CSMD2: variants seen among roughly 807,000 people sequenced by gnomAD.
CSMD2 encodes the protein CUB and Sushi multiple domains 2.
CSMD2 carries 130 observed loss-of-function variants against 398.5 expected under a neutral mutation model. The ratio of observed to expected loss-of-function variants is 0.33; its 90% CI spans 0.28 to 0.38. The LOEUF is 0.38. Among genes scored for constraint, CSMD2 ranks in the 10% least tolerant of loss-of-function variants. CSMD2 has a pLI of 1.00. For missense variants in CSMD2, 3,829 were observed against 4,764.9 expected, an observed-to-expected ratio of 0.80 and a Z score of 5.78; for synonymous variants, 1,828 against 1,908.5, an observed-to-expected ratio of 0.96 and a Z score of 1.10.
chr1:34,031,080 T>C (rs1650351007), intron 3 of CSMD2, among the ~76,000 whole-genome samples: 3 of 151,850 alleles, frequency 2.0e-5, no homozygotes, highest in Non-Finnish European at 4.4e-5. Context: ...GGCTTGATAT[T>C]GGTAGGAACT....
At chr1:34,036,881 A>G (rs1651195682) in intron 2 of CSMD2, among the ~76,000 whole-genome samples, 1 of 152,216 alleles carries the variant, frequency 6.6e-6, no homozygotes, top group Non-Finnish European at 1.5e-5. Flanking sequence ...CTAGCATAAG[A>G]ATATGTCAAT....
chr1:33,973,539 C>A (rs187311347), intron 3 of CSMD2, among the ~76,000 whole-genome samples: 1 of 152,288 alleles, frequency 6.6e-6, no homozygotes, highest in Admixed American at 6.5e-5. Flanking sequence ...GGTCAGGGTA[C>A]AAGGTAGCTG....
intron 1 of CSMD2, among the ~76,000 whole-genome samples, chr1:34,140,928 C>T (rs1246570070): frequency 6.6e-6 from 1 of 152,094 alleles, no homozygotes; most frequent in Non-Finnish European, 1.5e-5. Context: ...TCCTCTACAA[C>T]CTGTCCCCCT....
At chr1:33,955,461 A>C (rs1457324062) in intron 3 of CSMD2, among the ~76,000 whole-genome samples, 1 of 152,054 alleles carries the variant, frequency 6.6e-6, no homozygotes, top group Non-Finnish European at 1.5e-5. Context: ...GTGCTGTTAT[A>C]CCTTCTTAAT....
chr1:34,061,103 A>G (rs1034919379), intron 2 of CSMD2, among the ~76,000 whole-genome samples: 1 of 152,132 alleles, frequency 6.6e-6, no homozygotes, highest in Non-Finnish European at 1.5e-5. Context: ...GACATTGGCC[A>G]ATGTCTGAGA....
intron 3 of CSMD2, among the ~76,000 whole-genome samples, chr1:33,968,429 A>T (rs536456905): frequency 6.6e-6 from 1 of 152,344 alleles, no homozygotes; most frequent in Non-Finnish European, 1.5e-5. Flanking sequence ...CACCAACAGA[A>T]CATGAAAAAG....
At chr1:33,720,034 G>A (rs1355084946) in intron 19 of CSMD2, among the ~76,000 whole-genome samples, 2 of 152,230 alleles carry the variant, frequency 1.3e-5, no homozygotes, top group African/African-American at 4.8e-5. Flanking sequence ...AAATTTCACA[G>A]AGTTTTGAGT....
chr1:33,861,549 T>TAG (rs1391089516), intron 5 of CSMD2, among the ~76,000 whole-genome samples: 3 of 152,220 alleles, frequency 2.0e-5, no homozygotes, highest in African/African-American at 7.2e-5. Flanking sequence ...ATGCTTGCTC[T>TAG]AGGCTGTGTG....
intron 2 of CSMD2, among the ~76,000 whole-genome samples, chr1:34,070,566 G>T (rs978654609): frequency 6.6e-6 from 1 of 152,182 alleles, no homozygotes; most frequent in Non-Finnish European, 1.5e-5. Context: ...AACATAATGC[G>T]CCTGAGAAGC....
intron 15 of CSMD2, among the ~76,000 whole-genome samples, chr1:33,732,089 CAG>C (rs1447086414): frequency 6.6e-6 from 1 of 151,982 alleles, no homozygotes; most frequent in Non-Finnish European, 1.5e-5. Context: ...AAGGCAAAAA[CAG>C]GGAAGCACAC....
chr1:33,770,477 C>T (rs2149324783), intron 13 of CSMD2, among the ~76,000 whole-genome samples: 1 of 152,374 alleles, frequency 6.6e-6, no homozygotes, highest in South Asian at 2.1e-4. Flanking sequence ...GGAAGTCCCT[C>T]ACTTTGTTGA....
intron 28 of CSMD2, among the ~76,000 whole-genome samples, chr1:33,651,188 G>A (rs1268711769): frequency 6.6e-6 from 1 of 152,124 alleles, no homozygotes; most frequent in Non-Finnish European, 1.5e-5. Context: ...CAGTAATTTA[G>A]ATGGGAAATG....
In CSMD2 at chr1:33,658,044, T is replaced by G. The variant is rs1385605076; in HGVS notation, c.4349A>C (p.Gln1450Pro). Residue 1450 changes from glutamine to proline, a missense_variant, in exon 27 of 71, where the codon CAG becomes CCG. Gln to Pro is a moderately conservative substitution (Grantham distance 76). This residue lies in a region of CSMD2 where 2,001 missense variants were observed against 2,567.1 expected (regional missense o/e 0.78). Coordinates refer to ENST00000373381, the MANE Select transcript of CSMD2 (RefSeq NM_001281956.2). Reference protein sequence around the residue: ...SWEAGDSTVFQCDPGYALQGS... With the variant: ...SWEAGDSTVFPCDPGYALQGS... ...CTGCAGCGCGTAGCCAGGGTCACAC[T>G]GGAACACTGTGGAGTCGCCGGCTTC... The G allele has an allele frequency of 6.2e-7, 1 of 1,614,090 alleles. No homozygotes were observed.
chr1:33,917,071 C>T (rs577154488), intron 5 of CSMD2, among the ~76,000 whole-genome samples: 1 of 152,280 alleles, frequency 6.6e-6, no homozygotes, highest in South Asian at 2.1e-4. Context: ...CCCCTATGCC[C>T]TCCGTCCATC....
chr1:34,102,454 T>C (rs1472889751), intron 1 of CSMD2, among the ~76,000 whole-genome samples: 2 of 152,204 alleles, frequency 1.3e-5, no homozygotes, highest in African/African-American at 4.8e-5. Context: ...TCACTCAACA[T>C]AAAAGCCAAA....
intron 3 of CSMD2, among the ~76,000 whole-genome samples, chr1:33,997,917 C>T (rs1646777938): frequency 1.3e-5 from 2 of 152,162 alleles, no homozygotes; most frequent in South Asian, 4.1e-4. Flanking sequence ...CATCAGGGTG[C>T]AGTCCAGCAA....
Position 33,918,227 on chromosome 1 carries a change from G to C in CSMD2, c.787C>G (p.His263Asp). Reference protein sequence around the residue: ...ISSPHFPSEYHNNADCTWTIL... With the variant: ...ISSPHFPSEYDNNADCTWTIL... ...GTCCATGTGCAGTCGGCATTGTTATGGTACTCCGAGGGGAAGTGGGGGCTG... is the reference window on the plus strand; with the variant it reads ...GTCCATGTGCAGTCGGCATTGTTATCGTACTCCGAGGGGAAGTGGGGGCTG... The change falls in exon 5 of 71, where the codon CAT becomes GAT. Residue 263 changes from histidine to aspartate, a missense_variant. Physicochemically the swap from His to Asp is moderately conservative, Grantham distance 81. This residue lies in a region of CSMD2 where 2,001 missense variants were observed against 2,567.1 expected (regional missense o/e 0.78). Coordinates refer to ENST00000373381, the MANE Select transcript of CSMD2 (RefSeq NM_001281956.2). 1 of 1,614,152 alleles carries C rather than the reference G, an allele frequency of 6.2e-7. No individual in the cohort carries two copies. Among genetic ancestry groups the C allele is most frequent in the Non-Finnish European group, 8.5e-7 (1 of 1,180,036 alleles).
intron 1 of CSMD2, among the ~76,000 whole-genome samples, chr1:34,129,577 G>A (rs1025662868): frequency 1.1e-4 from 17 of 152,314 alleles, no homozygotes; most frequent in East Asian, 3.9e-4. Flanking sequence ...GCATGAACCC[G>A]GGAGGCGGAG....
intron 3 of CSMD2, among the ~76,000 whole-genome samples, chr1:33,997,915 T>C (rs571726820): frequency 6.6e-6 from 1 of 152,296 alleles, no homozygotes; most frequent in South Asian, 2.1e-4. Context: ...GTCATCAGGG[T>C]GCAGTCCAGC....
Sources: gnomAD v4.1 joint callset for allele counts (sites outside exome capture counted in the v4.1 genomes callset) on GRCh38, gnomAD v4.1.1 for gene constraint, gnomAD v4.1.1 regional missense constraint, MANE v1.5 for transcripts, NCBI Gene and HGNC (gene_info 2026-07-23, HGNC 2026-07-21) for gene names.